DDX10: variants seen among roughly 807,000 people sequenced by gnomAD.
The protein encoded by DDX10 is DEAD-box helicase 10.
In DDX10, 74 loss-of-function variants were observed where a neutral mutation model predicts 104.3. The observed-to-expected ratio is 0.71, with a 90% confidence interval of 0.59 to 0.86. DDX10 has a LOEUF of 0.86. DDX10 is among the 40% of genes least tolerant of loss of function. The pLI is 0.00. For missense variants in DDX10, 952 were observed against 1,040.0 expected (o/e 0.92, Z 1.16); for synonymous variants, 351 against 353.4 (o/e 0.99, Z 0.08).
At chr11:108,844,752 A>T (rs1401354716) in intron 15 of DDX10, among the ~76,000 whole-genome samples, 1 of 152,270 alleles carries the variant, frequency 6.6e-6, no homozygotes, top group Non-Finnish European at 1.5e-5. Flanking sequence ...TAGGAGTGGG[A>T]CTTAGTGCCA....
In DDX10 at chr11:108,718,625, C is replaced by T. The variant is rs148089196; in HGVS notation, c.1411-1172C>T. 4.1e-3 allele frequency among the ~76,000 whole-genome samples: 618 copies of T among 152,240 alleles called. 3 individuals carry two copies. The highest frequency in any genetic ancestry group is 6.3e-3 in the Admixed American group (96 of 15,292). On this transcript the variant is annotated intron_variant, in intron 11 of 17. Coordinates refer to ENST00000322536, the MANE Select transcript of DDX10 (RefSeq NM_004398.4). ...TGGTTTGTGCATACAACGGATGAGC[C>T]TTCCAGAACACTGATTATAGAAAAG...
chr11:108,789,474 A>G (rs1343140934), intron 13 of DDX10, among the ~76,000 whole-genome samples: 1 of 152,194 alleles, frequency 6.6e-6, no homozygotes, highest in Non-Finnish European at 1.5e-5. Context: ...CTATCTTGAG[A>G]GGCAATTGAG....
intron 13 of DDX10, among the ~76,000 whole-genome samples, chr11:108,832,282 G>A (rs1218850099): frequency 6.6e-6 from 1 of 151,892 alleles, no homozygotes; most frequent in African/African-American, 2.4e-5. Context: ...TCTTCTAGTT[G>A]GAAAACTAAA....
intron 16 of DDX10, among the ~76,000 whole-genome samples, chr11:108,867,421 G>T (rs1230921134): frequency 6.6e-6 from 1 of 152,136 alleles, no homozygotes; most frequent in African/African-American, 2.4e-5. Flanking sequence ...GGGAAATGTT[G>T]GTTGTTCAAT....
intron 16 of DDX10, among the ~76,000 whole-genome samples, chr11:108,880,683 G>A (rs539794446): frequency 3.9e-5 from 6 of 152,274 alleles, no homozygotes; most frequent in African/African-American, 1.4e-4. Flanking sequence ...TATACCCTAG[G>A]GTTGCTCTGT....
chr11:108,873,480 A>C (rs1296146517), intron 16 of DDX10, among the ~76,000 whole-genome samples: 2 of 152,154 alleles, frequency 1.3e-5, no homozygotes, highest in Admixed American at 1.3e-4. Flanking sequence ...TGAGTAAGCC[A>C]TTATAGGATT....
intron 16 of DDX10, among the ~76,000 whole-genome samples, chr11:108,913,930 C>A (rs1467802645): frequency 6.6e-6 from 1 of 152,106 alleles, no homozygotes; most frequent in East Asian, 1.9e-4. Context: ...TACAGGTATT[C>A]CACATTTTAT....
chr11:108,807,151 G>A (rs1862112932), intron 13 of DDX10, among the ~76,000 whole-genome samples: 1 of 152,136 alleles, frequency 6.6e-6, no homozygotes, highest in Admixed American at 6.5e-5. Flanking sequence ...TAATGAATTA[G>A]AGATAGATGA....
At chr11:108,765,279 A>G (rs2094355210) in intron 13 of DDX10, among the ~76,000 whole-genome samples, 1 of 152,226 alleles carries the variant, frequency 6.6e-6, no homozygotes, top group Admixed American at 6.5e-5. Context: ...CCTTCAGTTT[A>G]TTCTAAATCC....
intron 2 of DDX10, 48 bp from the exon 3 acceptor site, chr11:108,675,548 A>C (rs768792613): frequency 6.3e-7 from 1 of 1,596,758 alleles, no homozygotes; most frequent in South Asian, 1.1e-5. Context: ...CTATAATACC[A>C]TCCTACAGGG....
At chr11:108,672,348 A>C (rs756341494) in intron 1 of DDX10, among the ~76,000 whole-genome samples, 6 of 152,112 alleles carry the variant, frequency 3.9e-5, no homozygotes, top group Non-Finnish European at 8.8e-5. Context: ...CGAGTGCTAG[A>C]GTGAGCTACA....
intron 16 of DDX10, among the ~76,000 whole-genome samples, chr11:108,909,931 G>T (rs1038133509): frequency 6.6e-5 from 10 of 152,172 alleles, no homozygotes; most frequent in African/African-American, 2.2e-4. Context: ...CTGAAAGAAC[G>T]TGTTGTAAAC....
At chr11:108,867,046 C>T (rs993172325) in intron 16 of DDX10, among the ~76,000 whole-genome samples, 6 of 152,084 alleles carry the variant, frequency 3.9e-5, no homozygotes, top group African/African-American at 1.2e-4. Context: ...AAAGTTCTTT[C>T]ATAATAATGA....
chr11:108,810,417 G>T (rs1021732638), intron 13 of DDX10, among the ~76,000 whole-genome samples: 1 of 152,082 alleles, frequency 6.6e-6, no homozygotes, highest in African/African-American at 2.4e-5. Flanking sequence ...AATCTGTGTG[G>T]AGAAGAATAG....
intron 1 of DDX10, among the ~76,000 whole-genome samples, chr11:108,672,268 T>A (rs1180061141): frequency 6.6e-6 from 1 of 152,092 alleles, no homozygotes; most frequent in East Asian, 1.9e-4. Context: ...TTGAAGAGTG[T>A]GTTGGCAGCC....
chr11:108,890,237 A>G (rs538328705), intron 16 of DDX10, among the ~76,000 whole-genome samples: 1 of 152,350 alleles, frequency 6.6e-6, no homozygotes, highest in African/African-American at 2.4e-5. Flanking sequence ...AATATGAAAT[A>G]TGGAACCCAC....
chr11:108,738,225 C>G (rs906430693), intron 13 of DDX10, among the ~76,000 whole-genome samples: 7 of 143,652 alleles, frequency 4.9e-5, no homozygotes, highest in African/African-American at 1.8e-4. Flanking sequence ...TATTTGTACT[C>G]CCTACTCAAA....
intron 13 of DDX10, among the ~76,000 whole-genome samples, chr11:108,754,493 T>C (rs754556427): frequency 1.2e-4 from 18 of 152,076 alleles, no homozygotes; most frequent in Admixed American, 3.9e-4. Context: ...TTCATATTTT[T>C]CTGTGTATAC....
At chr11:108,730,969 T>C (rs2094311383) in intron 13 of DDX10, among the ~76,000 whole-genome samples, 1 of 152,164 alleles carries the variant, frequency 6.6e-6, no homozygotes, top group African/African-American at 2.4e-5. Flanking sequence ...TGCTGTTTCT[T>C]CCTGTACATT....
Sources: allele counts gnomAD v4.1 joint callset (sites outside exome capture counted in the v4.1 genomes callset), GRCh38; gene constraint gnomAD v4.1.1; transcripts MANE v1.5; gene names NCBI Gene and HGNC (gene_info 2026-07-23, HGNC 2026-07-21).